The following SPMIP2 variants were observed in gnomAD, a reference collection of about 807,000 sequenced individuals.
The protein encoded by SPMIP2 is sperm microtubule inner protein 2.
At chr4:159,079,816 T>C in the SPMIP2 span, among the ~76,000 whole-genome samples, 3 of 152,186 alleles carry the variant, frequency 2.0e-5, no homozygotes, top group Non-Finnish European at 2.9e-5. Context: ...ATTAGATTTT[T>C]AGTAATAGGA....
chr4:158,970,282 T>A, the SPMIP2 span, among the ~76,000 whole-genome samples: 16 of 152,196 alleles, frequency 1.1e-4, no homozygotes, highest in Admixed American at 3.3e-4. Context: ...GGCTCACACC[T>A]GTAATCCCAG....
the SPMIP2 span, chr4:158,915,099 C>A: frequency 3.1e-5 from 41 of 1,334,618 alleles, no homozygotes; most frequent in Non-Finnish European, 4.1e-5. Context: ...CTATGAGAAA[C>A]CTGTCCCTGA....
the SPMIP2 span, among the ~76,000 whole-genome samples, chr4:158,986,892 G>A: frequency 4.9e-4 from 68 of 139,314 alleles, no homozygotes; most frequent in Non-Finnish European, 8.4e-4. Flanking sequence ...TCTGACAAAG[G>A]GCTAATATCC....
the SPMIP2 span, among the ~76,000 whole-genome samples, chr4:159,052,610 C>T: frequency 4.0e-5 from 6 of 149,230 alleles, no homozygotes; most frequent in Admixed American, 4.0e-4. Context: ...TATCTCAAGA[C>T]TATTATTATT....
chr4:159,006,572 C>A, the SPMIP2 span, among the ~76,000 whole-genome samples: 2 of 152,112 alleles, frequency 1.3e-5, no homozygotes, highest in Non-Finnish European at 2.9e-5. Context: ...TTTCATTCAA[C>A]CTAATACTCA....
At chr4:158,994,173 T>C in the SPMIP2 span, among the ~76,000 whole-genome samples, 1 of 152,360 alleles carries the variant, frequency 6.6e-6, no homozygotes, top group East Asian at 1.9e-4. Flanking sequence ...TTGTATCTTA[T>C]TTATCTCTGT....
the SPMIP2 span, among the ~76,000 whole-genome samples, chr4:159,018,635 AG>A: frequency 6.6e-6 from 1 of 152,232 alleles, no homozygotes; most frequent in Admixed American, 6.5e-5. Context: ...TTTTGTCCCT[AG>A]GCAAGTATGA....
At chr4:158,992,896 G>A in the SPMIP2 span, among the ~76,000 whole-genome samples, 1 of 152,134 alleles carries the variant, frequency 6.6e-6, no homozygotes, top group Non-Finnish European at 1.5e-5. Context: ...CTAGCACATT[G>A]GCCGTTAAAT....
At chr4:158,967,891 ACT>A in the SPMIP2 span, among the ~76,000 whole-genome samples, 3 of 152,148 alleles carry the variant, frequency 2.0e-5, no homozygotes, top group South Asian at 2.1e-4. Flanking sequence ...GTGAGAACTC[ACT>A]CTCTTACTTT....
the SPMIP2 span, among the ~76,000 whole-genome samples, chr4:158,964,024 G>C: frequency 6.6e-6 from 1 of 151,990 alleles, no homozygotes; most frequent in Non-Finnish European, 1.5e-5. Flanking sequence ...GCATGGTGGC[G>C]GGTGCCTGTA....
the SPMIP2 span, chr4:158,973,249 G>A: frequency 6.2e-7 from 1 of 1,613,816 alleles, no homozygotes; most frequent in Non-Finnish European, 8.5e-7. Context: ...GCCAGATGCT[G>A]TTCTCCTACA....
At chr4:158,974,771 G>A in the SPMIP2 span, among the ~76,000 whole-genome samples, 1 of 152,116 alleles carries the variant, frequency 6.6e-6, no homozygotes, top group Non-Finnish European at 1.5e-5. Context: ...AAAAACATAC[G>A]TGTGCATGTG....
At chr4:158,972,937 A>ACATGTGTGAATAAATG in the SPMIP2 span, 1 of 624,814 alleles carries the variant, frequency 1.6e-6, no homozygotes, top group Non-Finnish European at 2.8e-6. Context: ...ATTTATTCAC[A>ACATGTGTGAATAAATG]CATGTGTCTT....
At chr4:158,986,426 T>A in the SPMIP2 span, among the ~76,000 whole-genome samples, 1 of 152,140 alleles carries the variant, frequency 6.6e-6, no homozygotes, top group Non-Finnish European at 1.5e-5. Flanking sequence ...GGTACTGGTA[T>A]CAAAACAGAG....
the SPMIP2 span, chr4:158,915,162 C>T: frequency 1.2e-5 from 19 of 1,608,004 alleles, no homozygotes; most frequent in Middle Eastern, 1.6e-4. Flanking sequence ...AAAAGCAAAA[C>T]ATCATACCTT....
At chr4:158,988,849 C>A in the SPMIP2 span, among the ~76,000 whole-genome samples, 1 of 152,170 alleles carries the variant, frequency 6.6e-6, no homozygotes, top group African/African-American at 2.4e-5. Flanking sequence ...CCTCTCTCAC[C>A]ACTCCTATTC....
the SPMIP2 span, among the ~76,000 whole-genome samples, chr4:158,931,649 A>G: frequency 1.3e-4 from 19 of 151,882 alleles, no homozygotes; most frequent in African/African-American, 3.9e-4. Context: ...CACAACCTCC[A>G]CCTCCCAGAC....
At chr4:159,033,502 C>T in the SPMIP2 span, among the ~76,000 whole-genome samples, 1 of 152,138 alleles carries the variant, frequency 6.6e-6, no homozygotes, top group African/African-American at 2.4e-5. Flanking sequence ...GGAATTCAGA[C>T]TGTGACAAGA....
chr4:158,956,780 A>G, the SPMIP2 span, among the ~76,000 whole-genome samples: 1 of 152,108 alleles, frequency 6.6e-6, no homozygotes, highest in South Asian at 2.1e-4. Flanking sequence ...CATTTACTTA[A>G]AGCCCACCTT....
Sources: allele counts gnomAD v4.1 joint callset (sites outside exome capture counted in the v4.1 genomes callset), GRCh38; gene constraint gnomAD v4.1.1; transcripts MANE v1.5; gene names NCBI Gene and HGNC (gene_info 2026-07-23, HGNC 2026-07-21).